Variants in ROBO2 observed in about 807,000 individuals in gnomAD.
The protein encoded by ROBO2 is roundabout homolog 2.
In ROBO2, 53 loss-of-function variants were observed where a neutral mutation model predicts 160.8. The ratio of observed to expected loss-of-function variants is 0.33; its 90% CI spans 0.26 to 0.41. The LOEUF (loss-of-function observed/expected upper bound fraction) is 0.41, where lower values mean the gene tolerates loss of function less well. Ranked by LOEUF, ROBO2 falls within the 10% of genes least tolerant of loss-of-function variation. ROBO2 has a pLI of 1.00. For missense variants in ROBO2, 1,577 were observed against 1,722.4 expected (o/e 0.92, Z 1.49); for synonymous variants, 664 against 611.7 (o/e 1.09, Z -1.26).
intron 2 of ROBO2, among the ~76,000 whole-genome samples, chr3:76,707,960 C>T (rs964694029): frequency 6.6e-6 from 1 of 151,976 alleles, no homozygotes; most frequent in African/African-American, 2.4e-5. Context: ...ATCATCCCCT[C>T]TTGAGAGAAA....
At chr3:76,794,926 C>G (rs2063590685) in intron 2 of ROBO2, among the ~76,000 whole-genome samples, 1 of 151,854 alleles carries the variant, frequency 6.6e-6, no homozygotes, top group Non-Finnish European at 1.5e-5. Flanking sequence ...CTGTCTGATA[C>G]AAATGTGCAG....
At chr3:77,259,351 C>T (rs773472864) in intron 2 of ROBO2, among the ~76,000 whole-genome samples, 118 of 152,162 alleles carry the variant, frequency 7.8e-4, no homozygotes, top group Non-Finnish European at 5.4e-4. Flanking sequence ...TTTTGCGTGT[C>T]TCTATATCTC....
chr3:76,328,482 G>T (rs149562593), intron 2 of ROBO2, among the ~76,000 whole-genome samples: 1 of 152,098 alleles, frequency 6.6e-6, no homozygotes, highest in Admixed American at 6.6e-5. Flanking sequence ...TATGTTATTA[G>T]TTTGGAGGCC....
intron 2 of ROBO2, among the ~76,000 whole-genome samples, chr3:76,015,912 A>G (rs529039363): frequency 4.6e-5 from 7 of 151,874 alleles, no homozygotes; most frequent in Admixed American, 6.6e-5. Context: ...TTTTCTTTGG[A>G]CTCTCAGTGT....
intron 2 of ROBO2, among the ~76,000 whole-genome samples, chr3:76,637,595 G>T (rs1216954268): frequency 6.6e-6 from 1 of 151,998 alleles, no homozygotes; most frequent in Non-Finnish European, 1.5e-5. Context: ...CCACATGCAA[G>T]ATTTTTAATT....
At chr3:76,301,662 T>C (rs918521126) in intron 2 of ROBO2, among the ~76,000 whole-genome samples, 2 of 152,126 alleles carry the variant, frequency 1.3e-5, no homozygotes, top group African/African-American at 4.8e-5. Flanking sequence ...GTTATCCATC[T>C]ATCTGTCACG....
chr3:77,482,482 AT>A (rs2084823888), intron 4 of ROBO2, among the ~76,000 whole-genome samples: 1 of 152,176 alleles, frequency 6.6e-6, no homozygotes, highest in Admixed American at 6.5e-5. Context: ...CCTTTCAATC[AT>A]TCTGAGCACC....
At chr3:76,512,273 T>C (rs1577772995) in intron 2 of ROBO2, among the ~76,000 whole-genome samples, 1 of 149,576 alleles carries the variant, frequency 6.7e-6, no homozygotes, top group African/African-American at 2.4e-5. Context: ...TTTACTTATA[T>C]ATATATATGG....
At chr3:76,632,772 C>A (rs549827404) in intron 2 of ROBO2, among the ~76,000 whole-genome samples, 1 of 152,294 alleles carries the variant, frequency 6.6e-6, no homozygotes, top group African/African-American at 2.4e-5. Context: ...AATAAGTCCT[C>A]TACATTGGGA....
rs368570473 is a variant in ROBO2, at chr3:77,462,921, G to A, written c.389-14493G>A. Among the ~76,000 whole-genome samples, 174 of 152,174 alleles carry A rather than the reference G, an allele frequency of 1.1e-3. 1 individual carries two copies. The highest frequency in any genetic ancestry group is 3.0e-3 in the African/African-American group (126 of 41,512). On this transcript the variant is annotated intron_variant, in intron 2 of 25. Coordinates refer to ENST00000461745, the Ensembl canonical transcript of ROBO2. Reference sequence around the variant, plus strand: ...TATTCCAAACCCAGCTCTGAAACTCGCTCCTCCAAAAAGCCTTCCTTATGA... The same window carrying A: ...TATTCCAAACCCAGCTCTGAAACTCACTCCTCCAAAAAGCCTTCCTTATGA...
At chr3:77,166,557 TTTTG>T (rs558460197) in intron 2 of ROBO2, among the ~76,000 whole-genome samples, 10 of 152,224 alleles carry the variant, frequency 6.6e-5, no homozygotes, top group African/African-American at 2.2e-4. Flanking sequence ...GAAGTGTTTT[TTTTG>T]TTTGTTTGTT....
At chr3:76,149,669 AAC>A (rs1464278676) in intron 2 of ROBO2, among the ~76,000 whole-genome samples, 3 of 129,858 alleles carry the variant, frequency 2.3e-5, no homozygotes, top group East Asian at 2.1e-4. Context: ...ATCTGTCTAA[AAC>A]ACACATCATC....
At chr3:77,109,029 G>A (rs79772769) in intron 2 of ROBO2, among the ~76,000 whole-genome samples, 3,737 of 151,970 alleles carry the variant, frequency 0.025, 164 homozygotes, top group African/African-American at 0.085. Flanking sequence ...TGTATGTTCA[G>A]GTATAGTAGG....
At chr3:77,623,795 G>T (rs531174757) in intron 23 of ROBO2, among the ~76,000 whole-genome samples, 2 of 152,248 alleles carry the variant, frequency 1.3e-5, no homozygotes, top group East Asian at 3.9e-4. Flanking sequence ...TTTCACTAAT[G>T]ATACTGAACT....
intron 2 of ROBO2, among the ~76,000 whole-genome samples, chr3:77,191,399 A>C (rs2081839825): frequency 6.6e-6 from 1 of 152,176 alleles, no homozygotes; most frequent in Non-Finnish European, 1.5e-5. Context: ...CTAAATAGTC[A>C]TGAGGGATTT....
chr3:76,134,712 G>C (rs1202668539), intron 2 of ROBO2, among the ~76,000 whole-genome samples: 1 of 152,018 alleles, frequency 6.6e-6, no homozygotes, highest in African/African-American at 2.4e-5. Flanking sequence ...GCTAAGACAT[G>C]TCTGGATTCC....
chr3:76,065,749 ATATACACACAC>A (rs2068232592), intron 2 of ROBO2, among the ~76,000 whole-genome samples: 1 of 149,034 alleles, frequency 6.7e-6, no homozygotes, highest in Non-Finnish European at 1.5e-5. Context: ...ATATATATAT[ATATACACACAC>A]ACACACACAC....
chr3:76,011,153 T>C (rs1409727839), intron 2 of ROBO2, among the ~76,000 whole-genome samples: 1 of 152,200 alleles, frequency 6.6e-6, no homozygotes, highest in Non-Finnish European at 1.5e-5. Context: ...TTCACATTTA[T>C]CTAATTGTAT....
intron 2 of ROBO2, chr3:76,435,371 C>G (rs1282470386): frequency 2.5e-6 from 2 of 784,652 alleles, no homozygotes; most frequent in African/African-American, 3.4e-5. Context: ...TTGAACAGTT[C>G]AAGACCCTAC....
Sources: gnomAD v4.1 joint callset for allele counts (sites outside exome capture counted in the v4.1 genomes callset) on GRCh38, gnomAD v4.1.1 for gene constraint, MANE v1.5 for transcripts, NCBI Gene and HGNC (gene_info 2026-07-23, HGNC 2026-07-21) for gene names.